Variants in CPNE1 observed in about 807,000 individuals in gnomAD.
CPNE1 encodes the protein copine 1.
A neutral mutation model predicts 63.2 loss-of-function variants in CPNE1; 58 were observed. That is an observed-to-expected ratio of 0.92 (90% CI 0.74 to 1.14). The LOEUF is 1.14. Among genes scored for constraint, CPNE1 ranks in the 50% most tolerant of loss-of-function variants. CPNE1 has a pLI of 0.00. For synonymous variants in CPNE1, 237 were observed against 249.0 expected (o/e 0.95, Z 0.45); for missense variants, 672 against 661.7 (o/e 1.02, Z -0.17).
intron 1 of CPNE1, among the ~76,000 whole-genome samples, chr20:35,658,721 C>A (rs1047285902): frequency 2.6e-5 from 4 of 151,968 alleles, no homozygotes; most frequent in African/African-American, 7.3e-5. Context: ...GATGGCACCA[C>A]TGCACTCCAG....
rs760386348 is a variant in CPNE1 at position 35,627,319 on chromosome 20, G to GC, written c.1196_1197insG (p.Arg400GlnfsTer23). On this transcript the variant is annotated frameshift_variant, in exon 14 of 16. Coordinates refer to ENST00000397443, the MANE Select transcript of CPNE1 (RefSeq NM_152925.3). LOFTEE classifies it high-confidence loss of function. ...GATGTGCAGCCTGGGCTGCAAACCTGGCCACATGGTTGATGATGGGTGCAA... is the reference window on the plus strand; with the variant it reads ...GATGTGCAGCCTGGGCTGCAAACCTGCGCCACATGGTTGATGATGGGTGCAA... The GC allele has an allele frequency of 6.2e-7, 1 of 1,613,702 alleles. No homozygotes were observed. Among genetic ancestry groups the GC allele is most frequent in the Non-Finnish European group, 8.5e-7 (1 of 1,179,902 alleles).
intron 1 of CPNE1, among the ~76,000 whole-genome samples, chr20:35,644,141 G>A (rs984749041): frequency 1.3e-5 from 2 of 152,074 alleles, no homozygotes; most frequent in African/African-American, 2.4e-5. Flanking sequence ...TCCCCTGCCC[G>A]GCACAGAGTA....
At position 35,631,972 on chromosome 20, in the gene CPNE1, C is replaced by T. The variant is rs563488892; in HGVS notation, c.510G>A (p.Gly170=). 3 of 1,613,924 alleles carry T rather than the reference C, an allele frequency of 1.9e-6. No individual in the cohort carries two copies. The highest frequency in any genetic ancestry group is 8.5e-7 in the Non-Finnish European group (1 of 1,179,946). Residue 170 remains glycine, a synonymous_variant, in exon 6 of 16, where the codon GGG becomes GGA. Transcript: ENST00000397443. ...PFLEFFRQGD[G]KWHLVYRSEV... ...CAGATCTGTACACCAGGTGCCATTTCCCATCACCCTGGCGGAAGAACTCCA... is the reference window on the plus strand; with the variant it reads ...CAGATCTGTACACCAGGTGCCATTTTCCATCACCCTGGCGGAAGAACTCCA...
intron 1 of CPNE1, among the ~76,000 whole-genome samples, chr20:35,657,187 G>A (rs1487264510): frequency 6.6e-6 from 1 of 152,168 alleles, no homozygotes; most frequent in Non-Finnish European, 1.5e-5. Flanking sequence ...TGGGAAGTGT[G>A]GGGAAGCTTT....
At chr20:35,632,478 AC>A (rs1568913534) in intron 3 of CPNE1, 38 bp downstream of exon 3, 6 of 1,608,364 alleles carry the variant, frequency 3.7e-6, no homozygotes, top group Non-Finnish European at 5.1e-6. Flanking sequence ...TGTCTCACAG[AC>A]CTGCATCTGA....
intron 1 of CPNE1, chr20:35,649,820 A>G (rs1378555333): frequency 1.3e-5 from 2 of 152,300 alleles, no homozygotes; most frequent in Admixed American, 1.3e-4. Flanking sequence ...ATTCTCTTCC[A>G]TTAATGTCAG....
intron 1 of CPNE1, chr20:35,655,085 G>C (rs756205399): frequency 6.2e-7 from 1 of 1,614,118 alleles, no homozygotes; most frequent in Non-Finnish European, 8.5e-7. Flanking sequence ...ATCATATTCT[G>C]CATTTCCGTC....
chr20:35,631,410 C>T (rs1254167752), intron 8 of CPNE1, 56 bp from the exon 9 acceptor site: 4 of 1,603,150 alleles, frequency 2.5e-6, no homozygotes, highest in East Asian at 2.2e-5. Flanking sequence ...GTCAAGGACT[C>T]GAGCTGCCTT....
At position 35,631,675 on chromosome 20, in the gene CPNE1, G is replaced by A. The variant is rs893080029; in HGVS notation, c.627+13C>T. ...TTCTCCAGCGCAGTCCACTTAGGGG[G>A]CAAGCTCCTCACCTGGATGGGTGTG... On this transcript the variant is annotated intron_variant, in intron 7 of 15. Transcript: ENST00000397443. The A allele has an allele frequency of 8.7e-6, 14 of 1,613,272 alleles. No individual in the cohort carries two copies. Among genetic ancestry groups the A allele is most frequent in the South Asian group, 3.3e-5 (3 of 91,068 alleles).
chr20:35,657,564 C>T (rs2033972768), intron 1 of CPNE1, among the ~76,000 whole-genome samples: 1 of 152,128 alleles, frequency 6.6e-6, no homozygotes, highest in Non-Finnish European at 1.5e-5. Context: ...AAGTGACATA[C>T]ACAGTTAAGT....
At chr20:35,655,454 C>T in intron 1 of CPNE1, 1 of 877,224 alleles carries the variant, frequency 1.1e-6, no homozygotes. Context: ...TTCCCTCAAG[C>T]TATCACAGGC....
At chr20:35,663,343 C>T (rs1157046379) in intron 1 of CPNE1, among the ~76,000 whole-genome samples, 1 of 152,200 alleles carries the variant, frequency 6.6e-6, no homozygotes, top group African/African-American at 2.4e-5. Flanking sequence ...ACAATATACA[C>T]TAGTTAACAA....
At chr20:35,643,217 G>A (rs1287462161) in intron 1 of CPNE1, 1 of 162,088 alleles carries the variant, frequency 6.2e-6, no homozygotes, top group East Asian at 1.9e-4. Flanking sequence ...TGGCTGACTA[G>A]GTGGGTGTCC....
chr20:35,659,925 TACG>T (rs972302756), intron 1 of CPNE1, among the ~76,000 whole-genome samples: 1 of 152,232 alleles, frequency 6.6e-6, no homozygotes, highest in African/African-American at 2.4e-5. Context: ...TAAGATTACC[TACG>T]ACTACTTTTC....
intron 1 of CPNE1, among the ~76,000 whole-genome samples, chr20:35,645,824 A>C (rs748604384): frequency 6.6e-6 from 1 of 152,228 alleles, no homozygotes; most frequent in Non-Finnish European, 1.5e-5. Context: ...GCCACTCTCC[A>C]GCCCCCACTG....
intron 1 of CPNE1, chr20:35,653,636 AC>A (rs1160130608): frequency 6.2e-7 from 1 of 1,614,204 alleles, no homozygotes; most frequent in Non-Finnish European, 8.5e-7. Context: ...CCTTCTAGGA[AC>A]TGAAGAACAT....
chr20:35,649,005 A>G (rs1215416927), intron 1 of CPNE1: 2 of 152,676 alleles, frequency 1.3e-5, no homozygotes, highest in Admixed American at 1.3e-4. Flanking sequence ...TCATCTTTAT[A>G]AACAAAAACC....
chr20:35,626,591 A>T lies in CPNE1; in HGVS notation c.1449T>A (p.Phe483Leu), dbSNP rs762077624. The T allele has an allele frequency of 1.9e-5, 31 of 1,614,090 alleles. No individual in the cohort carries two copies. Among genetic ancestry groups the T allele is most frequent in the Non-Finnish European group, 2.5e-5 (30 of 1,180,032 alleles). Residue 483 changes from phenylalanine to leucine, a missense_variant, in exon 15 of 16, where the codon TTT (phenylalanine) becomes TTA (leucine). By Grantham distance (22) the Phe-to-Leu change is conservative. Coordinates refer to ENST00000397443, the MANE Select transcript of CPNE1 (RefSeq NM_152925.3). ...GQAAARDIVQ[F>L]VPYRRFQNAP... ...CATTCTGGAACCGGCGGTAGGGTAC[A>T]AACTGCACAATGTCGCGGGCAGCAG...
At chr20:35,627,134 G>C in intron 14 of CPNE1, 146 bp downstream of exon 14, 1 of 788,534 alleles carries the variant, frequency 1.3e-6, no homozygotes, top group South Asian at 1.9e-5. Flanking sequence ...GTTGCAGTGA[G>C]CTGAGATCGC....
Sources: gnomAD v4.1 joint callset for allele counts (sites outside exome capture counted in the v4.1 genomes callset) on GRCh38, gnomAD v4.1.1 for gene constraint, MANE v1.5 for transcripts, NCBI Gene and HGNC (gene_info 2026-07-23, HGNC 2026-07-21) for gene names.